PPA2: variants seen among roughly 807,000 people sequenced by gnomAD.
PPA2 encodes the protein inorganic pyrophosphatase 2.
PPA2 carries 48 observed loss-of-function variants against 49.5 expected under a neutral mutation model. That is an observed-to-expected ratio of 0.97 (90% CI 0.77 to 1.23). The LOEUF is 1.23. PPA2 is among the 50% of genes most tolerant of loss of function. The pLI is 0.00. For synonymous variants in PPA2, 131 were observed against 139.9 expected, an observed-to-expected ratio of 0.94 and a Z score of 0.45; for missense variants, 429 against 410.1, an observed-to-expected ratio of 1.05 and a Z score of -0.40.
At chr4:105,430,852 C>T (rs1350376109) in intron 6 of PPA2, among the ~76,000 whole-genome samples, 1 of 152,150 alleles carries the variant, frequency 6.6e-6, no homozygotes, top group Non-Finnish European at 1.5e-5. Flanking sequence ...TACAGTATGT[C>T]TTCTATGGGT....
intron 1 of PPA2, among the ~76,000 whole-genome samples, chr4:105,458,609 G>A (rs752770505): frequency 8.6e-5 from 13 of 151,962 alleles, no homozygotes; most frequent in Non-Finnish European, 1.8e-4. Context: ...ATCACCTGAG[G>A]TCAGGAGTTT....
intron 7 of PPA2, among the ~76,000 whole-genome samples, chr4:105,408,840 A>G (rs775210055): frequency 2.0e-5 from 3 of 152,238 alleles, no homozygotes; most frequent in Non-Finnish European, 2.9e-5. Flanking sequence ...AACATATATC[A>G]ACAACTGATG....
intron 2 of PPA2, chr4:105,456,463 T>C: frequency 1.9e-6 from 1 of 514,536 alleles, no homozygotes; most frequent in South Asian, 2.1e-5. Context: ...CTAAGTTTTA[T>C]GTACCAGTAA....
At chr4:105,378,436 T>G (rs1733345536) in intron 10 of PPA2, among the ~76,000 whole-genome samples, 1 of 152,180 alleles carries the variant, frequency 6.6e-6, no homozygotes, top group Non-Finnish European at 1.5e-5. Flanking sequence ...TTTTAAAAAC[T>G]GAATGTTTTG....
At chr4:105,442,345 T>C (rs903233806) in intron 5 of PPA2, among the ~76,000 whole-genome samples, 8 of 152,196 alleles carry the variant, frequency 5.3e-5, no homozygotes, top group African/African-American at 1.2e-4. Flanking sequence ...AGTATGATCA[T>C]ACAGATAAAC....
At chr4:105,397,873 G>A (rs1262010539) in intron 8 of PPA2, among the ~76,000 whole-genome samples, 1 of 152,100 alleles carries the variant, frequency 6.6e-6, no homozygotes, top group Admixed American at 6.6e-5. Flanking sequence ...CCATGCTTCT[G>A]GTATAGCCTG....
chr4:105,427,416 C>T (rs372229640), intron 6 of PPA2, among the ~76,000 whole-genome samples: 28 of 152,062 alleles, frequency 1.8e-4, no homozygotes, highest in East Asian at 5.8e-4. Flanking sequence ...TAGAGGAGCA[C>T]GTTCTAACCC....
intron 9 of PPA2, among the ~76,000 whole-genome samples, chr4:105,388,483 T>C (rs1347571227): frequency 1.3e-5 from 2 of 152,130 alleles, no homozygotes; most frequent in Non-Finnish European, 2.9e-5. Flanking sequence ...TAACCAGTAG[T>C]GGATATCTTG....
At chr4:105,466,374 A>G (rs553549582) in intron 1 of PPA2, among the ~76,000 whole-genome samples, 2 of 152,130 alleles carry the variant, frequency 1.3e-5, no homozygotes, top group African/African-American at 4.8e-5. Flanking sequence ...TGGAAATCAC[A>G]TTCTAGTTGG....
At chr4:105,418,126 G>A (rs1228584443) in intron 7 of PPA2, among the ~76,000 whole-genome samples, 1 of 152,194 alleles carries the variant, frequency 6.6e-6, no homozygotes, top group Non-Finnish European at 1.5e-5. Flanking sequence ...AAATGTTAGA[G>A]CTCTTAGGTT....
At chr4:105,408,385 C>T (rs372782432) in intron 7 of PPA2, among the ~76,000 whole-genome samples, 4 of 152,128 alleles carry the variant, frequency 2.6e-5, no homozygotes, top group African/African-American at 9.7e-5. Context: ...TCTGTAAGCT[C>T]TGAGTCAAAA....
chr4:105,426,339 T>C (rs1251241321), intron 6 of PPA2, among the ~76,000 whole-genome samples: 2 of 152,160 alleles, frequency 1.3e-5, no homozygotes, highest in African/African-American at 4.8e-5. Flanking sequence ...GGTTGGACAG[T>C]GGGTGCAGCC....
intron 10 of PPA2, among the ~76,000 whole-genome samples, chr4:105,371,995 AC>A (rs1733043488): frequency 6.6e-6 from 1 of 152,114 alleles, no homozygotes; most frequent in African/African-American, 2.4e-5. Flanking sequence ...ATATCTAGGC[AC>A]CTTTTACCTC....
At chr4:105,414,940 G>A (rs1006000479) in intron 7 of PPA2, among the ~76,000 whole-genome samples, 6 of 152,102 alleles carry the variant, frequency 3.9e-5, no homozygotes, top group South Asian at 2.1e-4. Flanking sequence ...TCATCCCATT[G>A]AGCCTGAGGC....
At chr4:105,442,986 G>A (rs755645192) in intron 5 of PPA2, among the ~76,000 whole-genome samples, 1 of 152,146 alleles carries the variant, frequency 6.6e-6, no homozygotes, top group Non-Finnish European at 1.5e-5. Context: ...CAGGCATTAA[G>A]CTGGGTAGTC....
At chr4:105,387,435 A>G (rs573639522) in intron 9 of PPA2, among the ~76,000 whole-genome samples, 1 of 152,326 alleles carries the variant, frequency 6.6e-6, no homozygotes, top group Middle Eastern at 3.4e-3. Flanking sequence ...AACACACGTA[A>G]ACATATTCCC....
chr4:105,422,593 A>ACTATATATTGCTCAT (rs1553926756), intron 7 of PPA2, among the ~76,000 whole-genome samples: 5 of 151,964 alleles, frequency 3.3e-5, no homozygotes, highest in Non-Finnish European at 7.4e-5. Context: ...TTGGTATAAT[A>ACTATATATTGCTCAT]TTATAGATGG....
chr4:105,387,713 G>T (rs183791274), intron 9 of PPA2, among the ~76,000 whole-genome samples: 1 of 151,874 alleles, frequency 6.6e-6, no homozygotes, highest in Admixed American at 6.6e-5. Context: ...TATAGCACAC[G>T]TTTACTTACG....
At chr4:105,415,818 T>C (rs1386444605) in intron 7 of PPA2, among the ~76,000 whole-genome samples, 2 of 152,198 alleles carry the variant, frequency 1.3e-5, no homozygotes, top group African/African-American at 2.4e-5. Context: ...AACTTGTAAA[T>C]GAGGTATTAT....
Sources: gnomAD v4.1 joint callset for allele counts (sites outside exome capture counted in the v4.1 genomes callset) on GRCh38, gnomAD v4.1.1 for gene constraint, MANE v1.5 for transcripts, NCBI Gene and HGNC (gene_info 2026-07-23, HGNC 2026-07-21) for gene names.